ARHGAP33: variants seen among roughly 807,000 people sequenced by gnomAD.
The protein encoded by ARHGAP33 is Rho GTPase activating protein 33.
In ARHGAP33, 57 loss-of-function variants were observed where a neutral mutation model predicts 126.2. That is an observed-to-expected ratio of 0.45 (90% CI 0.36 to 0.56). The LOEUF is 0.56. Ranked by LOEUF, ARHGAP33 falls within the 20% of genes least tolerant of loss-of-function variation. The pLI, the probability that ARHGAP33 is intolerant of heterozygous loss-of-function variation, is 0.00. For missense variants in ARHGAP33, 1,500 were observed against 1,748.3 expected, an observed-to-expected ratio of 0.86 and a Z score of 2.53; for synonymous variants, 711 against 755.0, an observed-to-expected ratio of 0.94 and a Z score of 0.95.
chr19:35,784,654 C>G, intron 16 of ARHGAP33: 1 of 1,302,882 alleles, frequency 7.7e-7, no homozygotes, highest in Non-Finnish European at 9.7e-7. Flanking sequence ...CCGCCCTGCC[C>G]CGGACCCCAG....
intron 4 of ARHGAP33, 51 bp downstream of exon 4, chr19:35,778,411 C>T: frequency 6.2e-7 from 1 of 1,614,136 alleles, no homozygotes; most frequent in Non-Finnish European, 8.5e-7. Flanking sequence ...CACTGTAGTC[C>T]TCAGCTCGGT....
At position 35,782,377 on chromosome 19, in the gene ARHGAP33, G is replaced by A. The variant is rs780349422; in HGVS notation, c.1090G>A (p.Glu364Lys). ...TCCTTGACACGGTGGTCTCAGGCAC[G>A]AGTTTGACAGTGAGAGGATCCCGGA... is the stretch of plus-strand genomic sequence containing the variant. Reference protein sequence around the residue: ...VSSNIQRLRHEFDSERIPELS... With the variant: ...VSSNIQRLRHKFDSERIPELS... Residue 364 changes from glutamate to lysine, a missense_variant, in exon 13 of 21, where the codon GAG becomes AAG. Transcript: ENST00000007510. The surrounding 1 kb of genome is among the most constrained non-coding windows in gnomAD (Gnocchi z 4.1). 8 of 1,601,250 alleles carry A rather than the reference G, an allele frequency of 5.0e-6. No individual in the cohort carries two copies. The highest frequency in any genetic ancestry group is 6.0e-6 in the Non-Finnish European group (7 of 1,169,602).
In ARHGAP33 at chr19:35,788,476, A is replaced by T. The variant is rs1260665938; in HGVS notation, c.*47A>T. 1.4e-6 allele frequency: 2 copies of T among 1,437,296 alleles called. No homozygotes were observed. Among genetic ancestry groups the T allele is most frequent in the Non-Finnish European group, 1.8e-6 (2 of 1,086,086 alleles). The allele number at this position is 1,437,296 out of a possible 1,614,324, so 89.0% of individuals were successfully genotyped here. A position where few individuals can be genotyped will look rare whatever the true frequency, so the allele number is the denominator to read the frequency against. On this transcript the variant is annotated 3_prime_UTR_variant, in exon 21 of 21. Transcript: ENST00000007510. ...CCTTCCTTCCCTTCACCCTCACTGG[A>T]TCTTGGCCCAACCAAATCCCTTGTT... is the stretch of plus-strand genomic sequence containing the variant.
Position 35,786,635 on chromosome 19 carries a change from A to T in ARHGAP33, c.2165A>T (p.Asp722Val). The T allele has an allele frequency of 6.5e-7, 1 of 1,535,664 alleles. No homozygotes were observed. The highest frequency in any genetic ancestry group is 8.7e-7 in the Non-Finnish European group (1 of 1,146,746). Residue 722 changes from aspartate to valine, a missense_variant, in exon 20 of 21, where the codon GAT becomes GTT. By Grantham distance (152) the Asp-to-Val change is radical (BLOSUM62 -3). Coordinates refer to ENST00000007510, the MANE Select transcript of ARHGAP33 (RefSeq NM_001366178.1). This position sits in a 1 kb window ranked among gnomAD's most constrained non-coding sequence, Gnocchi z 7.0. ...ACCTCAGCCTGGCTAGATGATGGTG[A>T]TGAGCTGGACTTCAGCCCACCCCGC... Reference protein sequence around the residue: ...HRTSAWLDDGDELDFSPPRCL... With the variant: ...HRTSAWLDDGVELDFSPPRCL...
intron 1 of ARHGAP33, among the ~76,000 whole-genome samples, chr19:35,776,580 C>A (rs1030647731): frequency 2.0e-5 from 3 of 152,218 alleles, no homozygotes; most frequent in African/African-American, 7.2e-5. Context: ...TTAATTTATT[C>A]ATCAGATTTT....
At chr19:35,781,338 G>A in intron 12 of ARHGAP33, 86 bp downstream of exon 12, 10 of 1,349,984 alleles carry the variant, frequency 7.4e-6, no homozygotes, top group Non-Finnish European at 1.1e-5. Flanking sequence ...TGGGGACACA[G>A]TTACCAGGAG....
rs1041623040 is a variant in ARHGAP33 at position 35,782,600 on chromosome 19, G to A, written c.1234G>A (p.Ala412Thr). Residue 412 changes from alanine to threonine, a missense_variant, in exon 14 of 21, where the codon GCC (alanine) becomes ACC (threonine). Transcript: ENST00000007510. This position sits in a 1 kb window ranked among gnomAD's most constrained non-coding sequence, Gnocchi z 4.1. ...TCACACCTGCCCACCATCTCAGGAGGCCATGTCAGTGCCTGGGGAGGAGGA... is the reference window on the plus strand; with the variant it reads ...TCACACCTGCCCACCATCTCAGGAGACCATGTCAGTGCCTGGGGAGGAGGA... The part of the protein sequence containing the change: ...TYQLYGKFSE[A>T]MSVPGEEERL... 6.2e-7 allele frequency: 1 copy of A among 1,613,734 alleles called. No homozygotes were observed. The highest frequency in any genetic ancestry group is 1.3e-5 in the African/African-American group (1 of 74,942).
Position 35,778,380 on chromosome 19 carries a change from C to T in ARHGAP33, c.270+20C>T. On this transcript the variant is annotated intron_variant, in intron 4 of 20. Transcript: ENST00000007510. ...TGTCAGGTGAGGCCATCCCGCCTCT[C>T]ATCTAGCCTGAGAGAATGGCCACTG... 1 of 1,614,200 alleles carries T rather than the reference C, an allele frequency of 6.2e-7. No individual in the cohort carries two copies. Among genetic ancestry groups the T allele is most frequent in the Non-Finnish European group, 8.5e-7 (1 of 1,180,028 alleles).
Position 35,786,300 on chromosome 19 carries a change from T to C in ARHGAP33, c.1943-113T>C. 7.0e-7 allele frequency: 1 copy of C among 1,438,194 alleles called. No individual in the cohort carries two copies. The highest frequency in any genetic ancestry group is 9.1e-7 in the Non-Finnish European group (1 of 1,100,494). 89.1% of individuals were successfully genotyped at this position (1,438,194 alleles called of 1,614,324 possible). The stretch of plus-strand genomic sequence containing the variant: ...GTCAATCTGAACAGCTCTTCCTGGC[T>C]TCACACTACTGTGGCCCTCTCCAGG... On this transcript the variant is annotated intron_variant, in intron 19 of 20. Coordinates refer to ENST00000007510, the MANE Select transcript of ARHGAP33 (RefSeq NM_001366178.1). This position sits in a 1 kb window ranked among gnomAD's most constrained non-coding sequence, Gnocchi z 7.0.
Position 35,775,621 on chromosome 19 carries a change from G to T in ARHGAP33, c.-38G>T. On this transcript the variant is annotated 5_prime_UTR_variant, in exon 1 of 21. Transcript: ENST00000007510. ...GCGGCGACGAGAACGGCGAGCGAGG[G>T]GTCGAGCGCGGCCGGGGCCTGAGGA... The T allele has an allele frequency of 6.6e-7, 1 of 1,512,544 alleles. No homozygotes were observed. The highest frequency in any genetic ancestry group is 8.8e-7 in the Non-Finnish European group (1 of 1,135,562). 93.7% of individuals were successfully genotyped at this position (1,512,544 alleles called of 1,614,324 possible). A position where few individuals can be genotyped will look rare whatever the true frequency, so the allele number is the denominator to read the frequency against.
At chr19:35,776,597 T>A (rs913396544) in intron 1 of ARHGAP33, among the ~76,000 whole-genome samples, 2 of 152,192 alleles carry the variant, frequency 1.3e-5, no homozygotes, top group Non-Finnish European at 2.9e-5. Context: ...TTTTACCCAG[T>A]CCCTGCTGCG....
intron 12 of ARHGAP33, among the ~76,000 whole-genome samples, chr19:35,781,721 C>G (rs1417049518): frequency 1.3e-5 from 2 of 152,044 alleles, no homozygotes; most frequent in Non-Finnish European, 2.9e-5. Context: ...GAGGGAGCAG[C>G]AGGGCAAAGG....
chr19:35,787,905 A>G lies in ARHGAP33; in HGVS notation c.3340A>G (p.Arg1114Gly), dbSNP rs1263040294. Residue 1114 changes from arginine (R) to glycine (G), a missense_variant, in exon 21 of 21, where the codon AGG (arginine) becomes GGG (glycine). Physicochemically the swap from Arg to Gly is moderately radical, Grantham distance 125 (BLOSUM62 -2). This residue lies in a region of ARHGAP33 where 642 missense variants were observed against 634.0 expected (regional missense o/e 1.01). Transcript: ENST00000007510. ...WSPFRSMPPD[R>G]LNASYGMLGQ... ...TCCCTTTCGCTCCATGCCCCCCGACAGGCTCAATGCCTCCTACGGCATGCT... is the reference window on the plus strand; with the variant it reads ...TCCCTTTCGCTCCATGCCCCCCGACGGGCTCAATGCCTCCTACGGCATGCT... 7.7e-7 allele frequency: 1 copy of G among 1,297,162 alleles called. No individual in the cohort carries two copies. Among genetic ancestry groups the G allele is most frequent in the Non-Finnish European group, 1.0e-6 (1 of 992,562 alleles). 80.4% of individuals were successfully genotyped at this position (1,297,162 alleles called of 1,614,324 possible). A position where few individuals can be genotyped will look rare whatever the true frequency, so the allele number is the denominator to read the frequency against.
rs1457982823 is a variant in ARHGAP33 at position 35,775,624 on chromosome 19, C to G, written c.-35C>G. On this transcript the variant is annotated 5_prime_UTR_variant, in exon 1 of 21. Coordinates refer to ENST00000007510, the MANE Select transcript of ARHGAP33 (RefSeq NM_001366178.1). ...GCGACGAGAACGGCGAGCGAGGGGT[C>G]GAGCGCGGCCGGGGCCTGAGGAGGC... 1.3e-6 allele frequency: 2 copies of G among 1,516,120 alleles called. No homozygotes were observed. Among genetic ancestry groups the G allele is most frequent in the Admixed American group, 4.3e-5 (2 of 46,994 alleles). The allele number at this position is 1,516,120 out of a possible 1,614,324, so 93.9% of individuals were successfully genotyped here. A position where few individuals can be genotyped will look rare whatever the true frequency, so the allele number is the denominator to read the frequency against.
chr19:35,788,517 C>A lies in ARHGAP33; in HGVS notation c.*88C>A. On this transcript the variant is annotated 3_prime_UTR_variant, in exon 21 of 21. Coordinates refer to ENST00000007510, the MANE Select transcript of ARHGAP33 (RefSeq NM_001366178.1). ...ATCCCTTGTTTTGTATTTTCTTGAA[C>A]CCCGACCACTACCCCAGGTTTCTAA... 8.3e-7 allele frequency: 1 copy of A among 1,201,208 alleles called. No individual in the cohort carries two copies. The highest frequency in any genetic ancestry group is 1.1e-6 in the Non-Finnish European group (1 of 889,210). 74.4% of individuals were successfully genotyped at this position (1,201,208 alleles called of 1,614,324 possible).
rs1192180231 is a variant in ARHGAP33, at chr19:35,782,102, T to C, written c.1086-271T>C. ...GCTGCATGGTAGGAGCTGCTCATGCTCTGGAGTCAGACAGTCTTGGGTAGC... is the reference window on the plus strand; with the variant it reads ...GCTGCATGGTAGGAGCTGCTCATGCCCTGGAGTCAGACAGTCTTGGGTAGC... On this transcript the variant is annotated intron_variant, in intron 12 of 20. Transcript: ENST00000007510. This position sits in a 1 kb window ranked among gnomAD's most constrained non-coding sequence, Gnocchi z 4.1. Among the ~76,000 whole-genome samples, 2 of 152,160 alleles carry C rather than the reference T, an allele frequency of 1.3e-5. No individual in the cohort carries two copies. Among genetic ancestry groups the C allele is most frequent in the Non-Finnish European group, 2.9e-5 (2 of 68,000 alleles).
chr19:35,782,596 G>C lies in ARHGAP33; in HGVS notation c.1231-1G>C, dbSNP rs1395223935. On this transcript the variant is annotated splice_acceptor_variant, in intron 13 of 20. Transcript: ENST00000007510. LOFTEE classifies it high-confidence loss of function. The surrounding 1 kb of genome is among the most constrained non-coding windows in gnomAD (Gnocchi z 4.1). ...CTCATCACACCTGCCCACCATCTCAGGAGGCCATGTCAGTGCCTGGGGAGG... is the reference window on the plus strand; with the variant it reads ...CTCATCACACCTGCCCACCATCTCACGAGGCCATGTCAGTGCCTGGGGAGG... 1 of 1,613,854 alleles carries C rather than the reference G, an allele frequency of 6.2e-7. No homozygotes were observed. Among genetic ancestry groups the C allele is most frequent in the Non-Finnish European group, 8.5e-7 (1 of 1,179,936 alleles).
intron 6 of ARHGAP33, 87 bp from the exon 7 acceptor site, chr19:35,780,124 T>C (rs1971676022): frequency 6.4e-7 from 1 of 1,551,708 alleles, no homozygotes; most frequent in Non-Finnish European, 8.8e-7. Flanking sequence ...GGGCGGGCAG[T>C]GGCCTCACCC....
intron 1 of ARHGAP33, 163 bp from the exon 2 acceptor site, chr19:35,777,477 AGTCCT>A (rs775536106): frequency 2.5e-4 from 155 of 624,580 alleles, no homozygotes; most frequent in Non-Finnish European, 4.0e-4. Context: ...ACGAAGAAGC[AGTCCT>A]GTCCTCAGCC....
Sources: gnomAD v4.1 joint callset for allele counts (sites outside exome capture counted in the v4.1 genomes callset) on GRCh38, gnomAD v4.1.1 for gene constraint, gnomAD v4.1.1 regional missense constraint, Gnocchi (gnomAD v3.1) non-coding constraint, MANE v1.5 for transcripts, NCBI Gene and HGNC (gene_info 2026-07-23, HGNC 2026-07-21) for gene names.